The following NR1D2 variants were observed in gnomAD, a reference collection of about 807,000 sequenced individuals.
NR1D2 encodes nuclear receptor subfamily 1 group D member 2, also known as V-erbA-related protein 1-related.
NR1D2 carries 25 observed loss-of-function variants against 52.2 expected under a neutral mutation model. That is an observed-to-expected ratio of 0.48 (90% CI 0.35 to 0.67). NR1D2 has a LOEUF of 0.67. Among genes scored for constraint, NR1D2 ranks in the 30% least tolerant of loss-of-function variants. The pLI is 0.01. For missense variants in NR1D2, 681 were observed against 707.2 expected (o/e 0.96, Z 0.42); for synonymous variants, 259 against 230.1 (o/e 1.13, Z -1.14).
At position 23,962,474 on chromosome 3, in the gene NR1D2, G is replaced by T. The variant is rs756551090; in HGVS notation, c.1015G>T (p.Ala339Ser). ...CCCAAATGGTCATGCCATTTGTATT[G>T]CAAATGGACATTGTATGAACTTCTC... Reference protein sequence around the residue: ...HYPNGHAICIANGHCMNFSNA... With the variant: ...HYPNGHAICISNGHCMNFSNA... Residue 339 changes from alanine (A) to serine (S), a missense_variant, in exon 5 of 8, where the codon GCA becomes TCA. Ala to Ser is a moderately conservative substitution (Grantham distance 99). This residue lies in a region of NR1D2 where 475 missense variants were observed against 454.5 expected (regional missense o/e 1.05). Coordinates refer to ENST00000312521, the MANE Select transcript of NR1D2 (RefSeq NM_005126.5). 1.2e-6 allele frequency: 2 copies of T among 1,614,068 alleles called. No homozygotes were observed. The highest frequency in any genetic ancestry group is 1.7e-6 in the Non-Finnish European group (2 of 1,179,946).
rs1706764136 is a variant in NR1D2 at position 23,977,511 on chromosome 3, A to G, written c.*92A>G. On this transcript the variant is annotated 3_prime_UTR_variant, in exon 8 of 8. Coordinates refer to ENST00000312521, the MANE Select transcript of NR1D2 (RefSeq NM_005126.5). ...TGTGTATACCATATGTGGAGATAGAAAAGACCTTTAAGACAATAAAAGATT... is the reference window on the plus strand; with the variant it reads ...TGTGTATACCATATGTGGAGATAGAGAAGACCTTTAAGACAATAAAAGATT... 1.3e-6 allele frequency: 1 copy of G among 773,126 alleles called. No individual in the cohort carries two copies. The highest frequency in any genetic ancestry group is 2.9e-5 in the South Asian group (1 of 34,248). The allele number at this position is 773,126 out of a possible 1,614,324, so 47.9% of individuals were successfully genotyped here. A position where few individuals can be genotyped will look rare whatever the true frequency, so the allele number is the denominator to read the frequency against.
rs1559336871 is a variant in NR1D2 at position 23,968,031 on chromosome 3, AG to A, written c.1543+9del. 4.3e-6 allele frequency: 7 copies of A among 1,612,850 alleles called. No individual in the cohort carries two copies. In the East Asian group the frequency reaches 1.1e-4, roughly 26 times the overall value. ...TTGTCCTGGTATCTGCAGGTAAGCA[AG>A]CTGGTTCAAAATTGTGCCACACCTA... On this transcript the variant is annotated intron_variant, in intron 7 of 7. Coordinates refer to ENST00000312521, the MANE Select transcript of NR1D2 (RefSeq NM_005126.5).
chr3:23,972,174 A>G (rs1344638039), intron 7 of NR1D2, among the ~76,000 whole-genome samples: 4 of 152,162 alleles, frequency 2.6e-5, no homozygotes, highest in Admixed American at 1.3e-4. Context: ...ATCTCATTAT[A>G]TTACTTTATC....
chr3:23,956,077 T>C lies in NR1D2; in HGVS notation c.324T>C (p.Asp108=), dbSNP rs1485811120. The C allele has an allele frequency of 1.9e-6, 3 of 1,614,114 alleles. No homozygotes were observed. Among genetic ancestry groups the C allele is most frequent in the South Asian group, 1.1e-5 (1 of 91,082 alleles). The change falls in exon 3 of 8, where the codon GAT becomes GAC. Residue 108 remains aspartate (D), a synonymous_variant. Coordinates refer to ENST00000312521, the MANE Select transcript of NR1D2 (RefSeq NM_005126.5). ...GMVLLCKVCG[D]VASGFHYGVH... ...TTCTACTGTGTAAAGTCTGTGGGGA[T>C]GTGGCGTCAGGATTCCACTATGGAG...
At chr3:23,950,342 T>G (rs1705892509) in intron 1 of NR1D2, among the ~76,000 whole-genome samples, 1 of 152,270 alleles carries the variant, frequency 6.6e-6, no homozygotes, top group Admixed American at 6.5e-5. Flanking sequence ...ACTTAGTGGC[T>G]GACTTATCCT....
intron 5 of NR1D2, among the ~76,000 whole-genome samples, chr3:23,963,933 T>A (rs76745552): frequency 6.9e-6 from 1 of 145,410 alleles, no homozygotes; most frequent in Admixed American, 6.9e-5. Context: ...TTTTTTTTTT[T>A]TTAATAACTT....
At chr3:23,945,765 C>G (rs1368595177) in intron 1 of NR1D2, among the ~76,000 whole-genome samples, 171 bp downstream of exon 1, 2 of 150,400 alleles carry the variant, frequency 1.3e-5, no homozygotes, top group South Asian at 4.2e-4. Flanking sequence ...CCGGGCCGCC[C>G]GGCGCCCGCC....
rs1279186052 is a variant in NR1D2, at chr3:23,946,202, A to G, written c.16+608A>G. The G allele has an allele frequency of 9.1e-6, 9 of 985,352 alleles. No individual in the cohort carries two copies. The East Asian group carries it at 1.0e-3, about 113-fold the overall frequency. The allele number at this position is 985,352 out of a possible 1,614,324, so 61.0% of individuals were successfully genotyped here. The stretch of plus-strand genomic sequence containing the variant: ...GAGCCCCCGCGGCGGGGCGTCCCCG[A>G]AGCGGGCGCTGACACCGCAGTGCAC... On this transcript the variant is annotated intron_variant, in intron 1 of 7. Coordinates refer to ENST00000312521, the MANE Select transcript of NR1D2 (RefSeq NM_005126.5).
In NR1D2 at chr3:23,979,498, G is replaced by T. The variant is rs184229082; in HGVS notation, c.*2079G>T. On this transcript the variant is annotated 3_prime_UTR_variant, in exon 8 of 8. Coordinates refer to ENST00000312521, the MANE Select transcript of NR1D2 (RefSeq NM_005126.5). ...TTAAAACAATTAAGTCTTTAGGAAT[G>T]TGTAACCAGAACTATGTTAGTATTG... is the stretch of plus-strand genomic sequence containing the variant. 2.6e-4 allele frequency: 39 copies of T among 152,142 alleles called. No homozygotes were observed. The South Asian group carries it at 2.7e-3, about 11-fold the overall frequency. 9.4% of individuals were successfully genotyped at this position (152,142 alleles called of 1,614,324 possible). A position where few individuals can be genotyped will look rare whatever the true frequency, so the allele number is the denominator to read the frequency against.
rs1383439216 is a variant in NR1D2, at chr3:23,978,566, A to G, written c.*1147A>G. 1.3e-5 allele frequency: 2 copies of G among 152,026 alleles called. No homozygotes were observed. Among genetic ancestry groups the G allele is most frequent in the South Asian group, 2.1e-4 (1 of 4,836 alleles). The allele number at this position is 152,026 out of a possible 1,614,324, so 9.4% of individuals were successfully genotyped here. ...GTACTAGTTGTTTAAAAGTTGATTCATATTCTTACCTTGTGCTGAGAAAGG... is the reference window on the plus strand; with the variant it reads ...GTACTAGTTGTTTAAAAGTTGATTCGTATTCTTACCTTGTGCTGAGAAAGG... On this transcript the variant is annotated 3_prime_UTR_variant, in exon 8 of 8. Transcript: ENST00000312521.
In NR1D2 at chr3:23,979,566, C is replaced by T. The variant is rs975113307; in HGVS notation, c.*2147C>T. 3 of 151,990 alleles carry T rather than the reference C, an allele frequency of 2.0e-5. No homozygotes were observed. Among genetic ancestry groups the T allele is most frequent in the Non-Finnish European group, 4.4e-5 (3 of 67,938 alleles). 9.4% of individuals were successfully genotyped at this position (151,990 alleles called of 1,614,324 possible). A position where few individuals can be genotyped will look rare whatever the true frequency, so the allele number is the denominator to read the frequency against. ...AGGTTCAATATATACATATATACAT[C>T]TCTATATAGGTATATAGATTTGCAT... is the stretch of plus-strand genomic sequence containing the variant. On this transcript the variant is annotated 3_prime_UTR_variant, in exon 8 of 8. Coordinates refer to ENST00000312521, the MANE Select transcript of NR1D2 (RefSeq NM_005126.5).
In NR1D2 at chr3:23,977,561, A is replaced by C; in HGVS notation, c.*142A>C. ...TGTAGGCTATCTCTGTAATCATGCA[A>C]TAGCTGTTCGGATTGAGAACTCTTC... is the stretch of plus-strand genomic sequence containing the variant. On this transcript the variant is annotated 3_prime_UTR_variant, in exon 8 of 8. Transcript: ENST00000312521. 4.0e-6 allele frequency: 2 copies of C among 496,136 alleles called. No individual in the cohort carries two copies. Among genetic ancestry groups the C allele is most frequent in the Non-Finnish European group, 6.8e-6 (2 of 294,064 alleles). 30.7% of individuals were successfully genotyped at this position (496,136 alleles called of 1,614,324 possible). A position where few individuals can be genotyped will look rare whatever the true frequency, so the allele number is the denominator to read the frequency against.
chr3:23,973,174 C>T (rs754339117), intron 7 of NR1D2, among the ~76,000 whole-genome samples: 4 of 152,078 alleles, frequency 2.6e-5, no homozygotes, highest in East Asian at 1.9e-4. Context: ...TCTCAGTTTT[C>T]GGTATTATAA....
chr3:23,946,192 G>C (rs1325532124), intron 1 of NR1D2: 4 of 985,240 alleles, frequency 4.1e-6, no homozygotes, highest in Non-Finnish European at 4.8e-6. Context: ...CCCGCGGCGG[G>C]GCGTCCCCGA....
chr3:23,973,678 A>T (rs1182070487), intron 7 of NR1D2, among the ~76,000 whole-genome samples: 1 of 152,138 alleles, frequency 6.6e-6, no homozygotes, highest in African/African-American at 2.4e-5. Context: ...TTTCTTCCAT[A>T]ATAAATTAAC....
intron 3 of NR1D2, among the ~76,000 whole-genome samples, chr3:23,957,034 G>T (rs1352819030): frequency 6.6e-6 from 1 of 151,740 alleles, no homozygotes; most frequent in Non-Finnish European, 1.5e-5. Flanking sequence ...CCAGGCTGAA[G>T]TGCAGTGGTG....
chr3:23,947,564 C>A (rs1257273513), intron 1 of NR1D2, among the ~76,000 whole-genome samples: 1 of 152,166 alleles, frequency 6.6e-6, no homozygotes, highest in Non-Finnish European at 1.5e-5. Flanking sequence ...AATTCCCTGG[C>A]AGGCTTAGTA....
intron 1 of NR1D2, among the ~76,000 whole-genome samples, chr3:23,952,875 CAATA>C (rs1353602896): frequency 6.6e-6 from 1 of 151,942 alleles, no homozygotes; most frequent in Non-Finnish European, 1.5e-5. Flanking sequence ...TTCTTAGCCT[CAATA>C]TATATAATTG....
chr3:23,949,362 C>CT (rs1705862434), intron 1 of NR1D2, among the ~76,000 whole-genome samples: 1 of 149,854 alleles, frequency 6.7e-6, no homozygotes, highest in African/African-American at 2.5e-5. Context: ...GAAACTCCGT[C>CT]TGAAAAAAAA....
Sources: allele counts gnomAD v4.1 joint callset (sites outside exome capture counted in the v4.1 genomes callset), GRCh38; gene constraint gnomAD v4.1.1; regional missense constraint gnomAD v4.1.1; transcripts MANE v1.5; gene names NCBI Gene and HGNC (gene_info 2026-07-23, HGNC 2026-07-21).